The following COL19A1 variants were observed in gnomAD, a reference collection of about 807,000 sequenced individuals.
COL19A1 encodes collagen type XIX alpha 1 chain.
A neutral mutation model predicts 190.2 loss-of-function variants in COL19A1; 159 were observed. The ratio of observed to expected loss-of-function variants is 0.84; its 90% CI spans 0.73 to 0.95. The LOEUF is 0.95. Among genes scored for constraint, COL19A1 ranks in the 40% least tolerant of loss-of-function variants. COL19A1 has a pLI of 0.00. For missense variants in COL19A1, 1,418 were observed against 1,431.9 expected (o/e 0.99, Z 0.16); for synonymous variants, 509 against 458.9 (o/e 1.11, Z -1.39).
At chr6:70,134,250 C>T (rs1785699970) in intron 18 of COL19A1, among the ~76,000 whole-genome samples, 2 of 152,060 alleles carry the variant, frequency 1.3e-5, no homozygotes, top group Admixed American at 1.3e-4. Flanking sequence ...AAATGTATCC[C>T]CCAACTTCTC....
intron 12 of COL19A1, among the ~76,000 whole-genome samples, chr6:70,033,304 G>A (rs1779168691): frequency 6.6e-6 from 1 of 152,096 alleles, no homozygotes; most frequent in Non-Finnish European, 1.5e-5. Flanking sequence ...ACTACAAAAT[G>A]TCAGGGCAGT....
chr6:70,080,106 G>A (rs1018015645), intron 15 of COL19A1, among the ~76,000 whole-genome samples: 1 of 152,142 alleles, frequency 6.6e-6, no homozygotes, highest in Non-Finnish European at 1.5e-5. Flanking sequence ...AGAAATAAAG[G>A]CTTATTGCAT....
At position 70,121,915 on chromosome 6, in the gene COL19A1, T is replaced by G. The variant is rs763634489; in HGVS notation, c.1314T>G (p.Leu438=). ...PPGIQGIHQT[L]GGYYNKDNKG... is the part of the protein sequence containing the mutation. ...GAATACAAGGAATACACCAAACTCT[T>G]GGTGGATATTATAACAAGGATAACA... The change falls in exon 17 of 51, where the codon CTT becomes CTG. Residue 438 remains leucine, a synonymous_variant. Coordinates refer to ENST00000620364, the MANE Select transcript of COL19A1 (RefSeq NM_001858.6). 1 of 1,591,362 alleles carries G rather than the reference T, an allele frequency of 6.3e-7. No homozygotes were observed. The highest frequency in any genetic ancestry group is 8.5e-7 in the Non-Finnish European group (1 of 1,170,452).
At chr6:69,986,731 G>T (rs559573841) in intron 11 of COL19A1, among the ~76,000 whole-genome samples, 1 of 152,212 alleles carries the variant, frequency 6.6e-6, no homozygotes, top group Non-Finnish European at 1.5e-5. Flanking sequence ...AACCAGTTCT[G>T]GTCTCCAGTG....
intron 9 of COL19A1, among the ~76,000 whole-genome samples, chr6:69,951,186 T>A (rs1462526075): frequency 6.6e-6 from 1 of 151,958 alleles, no homozygotes; most frequent in Middle Eastern, 3.2e-3. Context: ...TTAGACTGCC[T>A]GGGTTTGAAT....
intron 9 of COL19A1, among the ~76,000 whole-genome samples, chr6:69,955,807 A>G (rs1774388435): frequency 6.6e-6 from 1 of 152,036 alleles, no homozygotes; most frequent in Middle Eastern, 3.2e-3. Context: ...TAAGACCTAT[A>G]ACTTTTTTTC....
chr6:69,921,686 G>C (rs927019839), intron 4 of COL19A1, among the ~76,000 whole-genome samples: 1 of 144,708 alleles, frequency 6.9e-6, no homozygotes, highest in Non-Finnish European at 1.5e-5. Context: ...GTATATATTC[G>C]TATGTAGATT....
intron 11 of COL19A1, among the ~76,000 whole-genome samples, chr6:69,995,841 G>A (rs35190683): frequency 1.9e-3 from 296 of 152,216 alleles, no homozygotes; most frequent in Non-Finnish European, 2.4e-3. Flanking sequence ...GAGTTATTTC[G>A]TTAGATTAAG....
intron 14 of COL19A1, among the ~76,000 whole-genome samples, chr6:70,067,169 G>A (rs1781284213): frequency 6.6e-6 from 1 of 152,134 alleles, no homozygotes; most frequent in East Asian, 1.9e-4. Flanking sequence ...GTACATCAGG[G>A]AAGATCAAGC....
intron 30 of COL19A1, among the ~76,000 whole-genome samples, chr6:70,150,342 C>A (rs545326964): frequency 6.6e-6 from 1 of 151,974 alleles, no homozygotes; most frequent in African/African-American, 2.4e-5. Context: ...TATATTGCCA[C>A]GATTTCTATT....
At chr6:70,052,881 A>G (rs1780286811) in intron 14 of COL19A1, among the ~76,000 whole-genome samples, 1 of 152,192 alleles carries the variant, frequency 6.6e-6, no homozygotes, top group South Asian at 2.1e-4. Flanking sequence ...TTACCATGTT[A>G]TCTTTAGAGA....
intron 5 of COL19A1, 46 bp from the exon 6 acceptor site, chr6:69,929,379 G>T: frequency 6.4e-7 from 1 of 1,558,190 alleles, no homozygotes; most frequent in South Asian, 1.2e-5. Flanking sequence ...TAATAATTTT[G>T]AACATTGATT....
At chr6:70,051,212 A>G (rs1056664478) in intron 14 of COL19A1, among the ~76,000 whole-genome samples, 1 of 152,180 alleles carries the variant, frequency 6.6e-6, no homozygotes, top group African/African-American at 2.4e-5. Context: ...AAGGATAGAG[A>G]ATAAATGTAA....
intron 14 of COL19A1, among the ~76,000 whole-genome samples, chr6:70,036,668 G>GTT (rs150231550): frequency 2.0e-5 from 3 of 151,226 alleles, no homozygotes; most frequent in East Asian, 1.9e-4. Context: ...GTTTTGTTTT[G>GTT]TTTTTTTTAA....
At chr6:70,142,909 T>G (rs1583014276) in intron 23 of COL19A1, 89 bp downstream of exon 23, 2 of 1,195,384 alleles carry the variant, frequency 1.7e-6, no homozygotes, top group South Asian at 1.4e-5. Flanking sequence ...AGTAACTGAG[T>G]TATCCCTCAT....
chr6:69,886,320 A>G (rs543624928), intron 2 of COL19A1, among the ~76,000 whole-genome samples: 1 of 152,340 alleles, frequency 6.6e-6, no homozygotes, highest in South Asian at 2.1e-4. Context: ...ATCAAAAGAC[A>G]AGAGATAACA....
intron 11 of COL19A1, among the ~76,000 whole-genome samples, chr6:69,989,755 G>A (rs1480294037): frequency 6.6e-6 from 1 of 151,934 alleles, no homozygotes; most frequent in Non-Finnish European, 1.5e-5. Flanking sequence ...GAACAGAATG[G>A]TCTAGGTTCA....
chr6:70,052,663 C>T (rs574434066), intron 14 of COL19A1, among the ~76,000 whole-genome samples: 3 of 152,206 alleles, frequency 2.0e-5, no homozygotes, highest in South Asian at 2.1e-4. Flanking sequence ...AGTTTAATAC[C>T]TTCATGTATC....
chr6:70,180,501 C>A lies in COL19A1; in HGVS notation c.2753C>A (p.Pro918Gln), dbSNP rs201916147. The A allele has an allele frequency of 1.9e-6, 3 of 1,614,078 alleles. No homozygotes were observed. Among genetic ancestry groups the A allele is most frequent in the Non-Finnish European group, 2.5e-6 (3 of 1,179,988 alleles). ...GTTGGAGATATAGGTTTCCCTGGAC[C>A]AGAAGGACCCTCAGGAAAGCCAGTA... ...GPVGDIGFPG[P>Q]EGPSGKPGIN... is the part of the protein sequence containing the mutation. Residue 918 changes from proline to glutamine, a missense_variant, in exon 44 of 51, where the codon CCA (proline) becomes CAA (glutamine). Coordinates refer to ENST00000620364, the MANE Select transcript of COL19A1 (RefSeq NM_001858.6).
Sources: allele counts gnomAD v4.1 joint callset (sites outside exome capture counted in the v4.1 genomes callset), GRCh38; gene constraint gnomAD v4.1.1; transcripts MANE v1.5; gene names NCBI Gene and HGNC (gene_info 2026-07-23, HGNC 2026-07-21).